The following ADAMTS17 variants were observed in gnomAD, a reference collection of about 807,000 sequenced individuals.
ADAMTS17 encodes A disintegrin and metalloproteinase with thrombospondin motifs 17.
A neutral mutation model predicts 141.5 loss-of-function variants in ADAMTS17; 113 were observed. The ratio of observed to expected loss-of-function variants is 0.80; its 90% CI spans 0.69 to 0.93. The LOEUF is 0.93. Among genes scored for constraint, ADAMTS17 ranks in the 40% least tolerant of loss-of-function variants. ADAMTS17 has a pLI of 0.00. For synonymous variants in ADAMTS17, 768 were observed against 630.6 expected (o/e 1.22, Z -3.27); for missense variants, 1,659 against 1,517.9 (o/e 1.09, Z -1.54).
At chr15:100,122,943 A>G (rs2037524797) in intron 12 of ADAMTS17, among the ~76,000 whole-genome samples, 1 of 152,210 alleles carries the variant, frequency 6.6e-6, no homozygotes, top group African/African-American at 2.4e-5. Context: ...TGGTCCTGAG[A>G]CAACAGAAAG....
intron 3 of ADAMTS17, among the ~76,000 whole-genome samples, chr15:100,316,659 GT>G (rs2045575283): frequency 6.6e-6 from 1 of 152,220 alleles, no homozygotes; most frequent in African/African-American, 2.4e-5. Flanking sequence ...CTCTATGGAA[GT>G]TTTCCATAGA....
intron 18 of ADAMTS17, among the ~76,000 whole-genome samples, chr15:100,038,932 T>C (rs754683596): frequency 2.6e-5 from 4 of 152,246 alleles, no homozygotes; most frequent in South Asian, 2.1e-4. Flanking sequence ...ACTTTAAGTA[T>C]GGTGTTGGCT....
At chr15:100,270,526 G>C (rs560846603) in intron 4 of ADAMTS17, among the ~76,000 whole-genome samples, 3 of 152,162 alleles carry the variant, frequency 2.0e-5, no homozygotes, top group African/African-American at 4.8e-5. Context: ...GCCAGTGTTT[G>C]TTTCTGTGAC....
chr15:100,303,227 T>TTA (rs1467217043), intron 3 of ADAMTS17, among the ~76,000 whole-genome samples: 13 of 147,378 alleles, frequency 8.8e-5, no homozygotes, highest in African/African-American at 2.5e-4. Flanking sequence ...AACATATATA[T>TTA]TATATATATA....
rs192535586 is a variant in ADAMTS17, at chr15:100,323,055, C to T, written c.616+7834G>A. ...TGAGCTGAGATTGTGCCACTGAACT[C>T]CAGCCCGGGAGACAGCGAGACTCCG... On this transcript the variant is annotated intron_variant, in intron 3 of 21. Transcript: ENST00000268070. 4.2e-3 allele frequency among the ~76,000 whole-genome samples: 594 copies of T among 142,408 alleles called. 1 individual carries two copies. The highest frequency in any genetic ancestry group is 0.014 in the African/African-American group (538 of 37,414). 93.4% of individuals were successfully genotyped at this position (142,408 alleles called of 152,430 possible).
chr15:100,074,256 G>GTTTTTTTGTTTTGTTTTGTTTTT (rs2034206482), intron 15 of ADAMTS17: 2 of 152,436 alleles, frequency 1.3e-5, no homozygotes, highest in Admixed American at 1.3e-4. Flanking sequence ...TGGAGAGAAT[G>GTTTTTTTGTTTTGTTTTGTTTTT]TACACCTTTG....
At position 100,070,748 on chromosome 15, in the gene ADAMTS17, T is replaced by C. The variant is rs561101244; in HGVS notation, c.2138-16694A>G. On this transcript the variant is annotated intron_variant, in intron 15 of 21. Coordinates refer to ENST00000268070, the MANE Select transcript of ADAMTS17 (RefSeq NM_139057.4). ...TCTGGGACACATTTAAAGCAGTGTGTAGAGGGAAATTTATAGCACTAAATG... is the reference window on the plus strand; with the variant it reads ...TCTGGGACACATTTAAAGCAGTGTGCAGAGGGAAATTTATAGCACTAAATG... Among the ~76,000 whole-genome samples the C allele has an allele frequency of 1.3e-5, 2 of 149,024 alleles. 1 individual carries two copies. The highest frequency in any genetic ancestry group is 5.0e-5 in the African/African-American group (2 of 40,300).
At chr15:100,206,640 G>T (rs2041576996) in intron 7 of ADAMTS17, among the ~76,000 whole-genome samples, 3 of 152,190 alleles carry the variant, frequency 2.0e-5, no homozygotes, top group Non-Finnish European at 4.4e-5. Context: ...GTTTTAGGTG[G>T]GGGTGAGGCT....
chr15:100,092,706 A>C (rs2035542010), intron 15 of ADAMTS17, among the ~76,000 whole-genome samples: 2 of 152,184 alleles, frequency 1.3e-5, no homozygotes, highest in South Asian at 4.2e-4. Context: ...TGACACATGG[A>C]TCTATCCACA....
chr15:100,013,178 C>A (rs578153063), intron 18 of ADAMTS17, among the ~76,000 whole-genome samples: 47 of 152,174 alleles, frequency 3.1e-4, no homozygotes, highest in African/African-American at 9.4e-4. Context: ...TGATTTGATT[C>A]TCTGCTTGGT....
chr15:100,222,517 T>A (rs975877406), intron 7 of ADAMTS17, among the ~76,000 whole-genome samples: 4 of 152,306 alleles, frequency 2.6e-5, no homozygotes, highest in African/African-American at 9.6e-5. Context: ...CTGGGCAACA[T>A]GTGCACCTGG....
intron 4 of ADAMTS17, among the ~76,000 whole-genome samples, chr15:100,275,660 T>C (rs1458866690): frequency 6.6e-6 from 1 of 152,070 alleles, no homozygotes; most frequent in Non-Finnish European, 1.5e-5. Context: ...AAGCCTCCAT[T>C]TCCTTCTCTG....
chr15:100,152,141 T>C (rs1283156379), intron 10 of ADAMTS17, among the ~76,000 whole-genome samples: 1 of 152,198 alleles, frequency 6.6e-6, no homozygotes, highest in Admixed American at 6.5e-5. Flanking sequence ...ATATAATCAA[T>C]TTATTACTTG....
intron 14 of ADAMTS17, among the ~76,000 whole-genome samples, chr15:100,096,815 G>A (rs1460343141): frequency 6.6e-6 from 1 of 152,256 alleles, no homozygotes; most frequent in African/African-American, 2.4e-5. Flanking sequence ...AGAGAGTGAA[G>A]CCTGAACCCT....
rs147583033 is a variant in ADAMTS17, at chr15:100,335,693, C to A, written c.451-4639G>T. 1.7e-3 allele frequency among the ~76,000 whole-genome samples: 266 copies of A among 152,354 alleles called. 1 individual carries two copies. The highest frequency in any genetic ancestry group is 5.4e-3 in the African/African-American group (225 of 41,584). Reference sequence around the variant, plus strand: ...CAGGAGAAGCGGCCTGTTTTTAATGCCTTAATGTGCCAGGCTCTCACTAAA... The same window carrying A: ...CAGGAGAAGCGGCCTGTTTTTAATGACTTAATGTGCCAGGCTCTCACTAAA... On this transcript the variant is annotated intron_variant, in intron 2 of 21. Transcript: ENST00000268070.
intron 18 of ADAMTS17, among the ~76,000 whole-genome samples, chr15:100,012,932 G>T (rs2061217037): frequency 1.3e-5 from 2 of 152,158 alleles, no homozygotes; most frequent in Non-Finnish European, 2.9e-5. Flanking sequence ...AATGATAGCA[G>T]TATTTTGATG....
intron 15 of ADAMTS17, among the ~76,000 whole-genome samples, chr15:100,082,819 T>C (rs538811331): frequency 6.7e-6 from 1 of 148,238 alleles, no homozygotes; most frequent in East Asian, 2.1e-4. Flanking sequence ...TGTTGCAGAC[T>C]CTCCTTCAAG....
intron 10 of ADAMTS17, among the ~76,000 whole-genome samples, chr15:100,141,802 T>G (rs1169731796): frequency 6.6e-6 from 1 of 152,186 alleles, no homozygotes; most frequent in East Asian, 1.9e-4. Context: ...TCTGGAAAAT[T>G]AGGACCATCT....
At chr15:100,220,699 A>G (rs1320037937) in intron 7 of ADAMTS17, among the ~76,000 whole-genome samples, 1 of 152,104 alleles carries the variant, frequency 6.6e-6, no homozygotes, top group Non-Finnish European at 1.5e-5. Context: ...AGCCCCTGGC[A>G]CCCACTAATC....
Sources: gnomAD v4.1 joint callset for allele counts (sites outside exome capture counted in the v4.1 genomes callset) on GRCh38, gnomAD v4.1.1 for gene constraint, MANE v1.5 for transcripts, NCBI Gene and HGNC (gene_info 2026-07-23, HGNC 2026-07-21) for gene names.